Variants in N4BP2 observed in about 807,000 individuals in gnomAD.
N4BP2 encodes NEDD4 binding protein 2.
In N4BP2, 91 loss-of-function variants were observed where a neutral mutation model predicts 152.8. The observed-to-expected ratio is 0.60, with a 90% CI of 0.50 to 0.71. The LOEUF (loss-of-function observed/expected upper bound fraction) is 0.71, where lower values mean the gene tolerates loss of function less well. Ranked by LOEUF, N4BP2 falls within the 30% of genes least tolerant of loss-of-function variation. N4BP2 has a pLI of 0.00. For synonymous variants in N4BP2, 646 were observed against 705.3 expected, an observed-to-expected ratio of 0.92 and a Z score of 1.33; for missense variants, 1,923 against 2,059.1, an observed-to-expected ratio of 0.93 and a Z score of 1.28.
At chr4:40,058,607 G>T (rs73808619) in intron 1 of N4BP2, among the ~76,000 whole-genome samples, 2,230 of 152,244 alleles carry the variant, frequency 0.015, 52 homozygotes, top group African/African-American at 0.051. Context: ...TGTACTTGTT[G>T]ACTTTAGTTA....
intron 1 of N4BP2, among the ~76,000 whole-genome samples, chr4:40,062,030 T>C (rs927958114): frequency 6.6e-6 from 1 of 151,754 alleles, no homozygotes; most frequent in Non-Finnish European, 1.5e-5. Context: ...TTTGGTTTTA[T>C]TTATTTATTT....
At chr4:40,147,559 C>T (rs527319327) in intron 16 of N4BP2, among the ~76,000 whole-genome samples, 146 of 149,708 alleles carry the variant, frequency 9.8e-4, no homozygotes, top group African/African-American at 3.3e-3. Flanking sequence ...ACCTCCCTCC[C>T]GGACATGGCG....
At chr4:40,115,549 T>A (rs1391566851) in intron 7 of N4BP2, among the ~76,000 whole-genome samples, 1 of 152,214 alleles carries the variant, frequency 6.6e-6, no homozygotes, top group Non-Finnish European at 1.5e-5. Context: ...AGAATTTTAA[T>A]ATATAATACT....
chr4:40,079,954 GTA>G (rs1713185517), intron 2 of N4BP2, among the ~76,000 whole-genome samples: 1 of 151,972 alleles, frequency 6.6e-6, no homozygotes, highest in Non-Finnish European at 1.5e-5. Flanking sequence ...TATATTCATG[GTA>G]TTGTTAATAA....
chr4:40,174,668 GGTGCGCACCTGTCATCCCA>G, the N4BP2 span, among the ~76,000 whole-genome samples: 29 of 151,928 alleles, frequency 1.9e-4, no homozygotes, highest in African/African-American at 7.0e-4. Context: ...GCGGTGTAGT[GGTGCGCACCTGTCATCCCA>G]GTTACTCGGG....
At chr4:40,175,456 G>A in the N4BP2 span, among the ~76,000 whole-genome samples, 1 of 152,236 alleles carries the variant, frequency 6.6e-6, no homozygotes, top group African/African-American at 2.4e-5. Context: ...GCAGACACCT[G>A]GGATGAACCA....
At chr4:40,077,725 A>T (rs1712902247) in intron 2 of N4BP2, among the ~76,000 whole-genome samples, 1 of 152,186 alleles carries the variant, frequency 6.6e-6, no homozygotes, top group Admixed American at 6.6e-5. Flanking sequence ...AAGTGCTAGG[A>T]TTATAGGCGT....
At chr4:40,126,022 T>C (rs1718369648) in intron 11 of N4BP2, 112 bp from the exon 12 acceptor site, 1 of 620,274 alleles carries the variant, frequency 1.6e-6, no homozygotes, top group East Asian at 3.1e-5. Flanking sequence ...ATTTACAAAC[T>C]GAAAATTAAA....
At chr4:40,175,219 C>T in the N4BP2 span, among the ~76,000 whole-genome samples, 2 of 150,844 alleles carry the variant, frequency 1.3e-5, no homozygotes, top group Non-Finnish European at 2.9e-5. Context: ...GACAGGGTCT[C>T]GGTGTGTTAC....
intron 8 of N4BP2, among the ~76,000 whole-genome samples, chr4:40,119,710 A>G (rs995834990): frequency 6.6e-6 from 1 of 152,224 alleles, no homozygotes; most frequent in Non-Finnish European, 1.5e-5. Flanking sequence ...AGTGCTTCAT[A>G]TATGCCAAGC....
intron 12 of N4BP2, among the ~76,000 whole-genome samples, chr4:40,128,108 T>C (rs1718588650): frequency 6.6e-6 from 1 of 152,264 alleles, no homozygotes. Flanking sequence ...ATACTTGCAG[T>C]AGATTTCGTT....
At chr4:40,137,766 T>G (rs747625690) in intron 14 of N4BP2, among the ~76,000 whole-genome samples, 1 of 152,018 alleles carries the variant, frequency 6.6e-6, no homozygotes, top group Non-Finnish European at 1.5e-5. Flanking sequence ...AGCCTGTATT[T>G]TGGTTTCTAT....
At chr4:40,182,044 T>TC in the N4BP2 span, among the ~76,000 whole-genome samples, 3 of 152,240 alleles carry the variant, frequency 2.0e-5, no homozygotes, top group African/African-American at 7.2e-5. Flanking sequence ...ACCCAGGACT[T>TC]AGCCACATGA....
At chr4:40,058,189 A>G (rs921739583) in intron 1 of N4BP2, among the ~76,000 whole-genome samples, 11 of 152,152 alleles carry the variant, frequency 7.2e-5, no homozygotes, top group Non-Finnish European at 4.4e-5. Context: ...CTCCGTTTTT[A>G]TTACTTCCAG....
At chr4:40,146,264 A>AC (rs1267549259) in intron 16 of N4BP2, among the ~76,000 whole-genome samples, 1 of 152,136 alleles carries the variant, frequency 6.6e-6, no homozygotes, top group Non-Finnish European at 1.5e-5. Flanking sequence ...TCTCTTGCTT[A>AC]CCTCTCCAGT....
At chr4:40,152,988 T>C (rs527385727) in intron 17 of N4BP2, 85 bp downstream of exon 17, 3 of 1,397,732 alleles carry the variant, frequency 2.1e-6, no homozygotes, top group South Asian at 1.2e-5. Flanking sequence ...ATTTCTGTTA[T>C]TGATAATAGC....
At chr4:40,159,440 A>G (rs1011231670), downstream of N4BP2, among the ~76,000 whole-genome samples, 2 of 152,198 alleles carry the variant, frequency 1.3e-5, no homozygotes, top group African/African-American at 4.8e-5. Flanking sequence ...GAATCTAGGA[A>G]AGTTCATCAT....
At chr4:40,166,462 G>T in the N4BP2 span, among the ~76,000 whole-genome samples, 1 of 152,122 alleles carries the variant, frequency 6.6e-6, no homozygotes, top group Admixed American at 6.5e-5. Context: ...GGCTGAGGCG[G>T]GTGGATCACC....
At position 40,144,785 on chromosome 4, in the gene N4BP2, G is replaced by T; in HGVS notation, c.5128G>T (p.Glu1710Ter). The change falls in exon 16 of 18, where the codon GAG becomes TAG. Residue 1710 changes from glutamate to a stop codon, truncating the protein, a stop_gained. Transcript: ENST00000261435. LOFTEE classifies it high-confidence loss of function. ...EALEHLMRVL[E>*]KKTEEFKQNG... ...TCTAGAACATTTGATGAGAGTTTTA[G>T]AGAAGAAGACTGAAGGTAGGACTGT... is the stretch of plus-strand genomic sequence containing the variant. 6.2e-7 allele frequency: 1 copy of T among 1,611,234 alleles called. No homozygotes were observed. Among genetic ancestry groups the T allele is most frequent in the South Asian group, 1.1e-5 (1 of 90,376 alleles).
Sources: allele counts gnomAD v4.1 joint callset (sites outside exome capture counted in the v4.1 genomes callset), GRCh38; gene constraint gnomAD v4.1.1; transcripts MANE v1.5; gene names NCBI Gene and HGNC (gene_info 2026-07-23, HGNC 2026-07-21).